Variants in RPS6KA5 observed in about 807,000 individuals in gnomAD.
RPS6KA5 encodes the protein ribosomal protein S6 kinase alpha-5.
In RPS6KA5, 27 loss-of-function variants were observed where a neutral mutation model predicts 85.5. That is an observed-to-expected ratio of 0.32 (90% CI 0.23 to 0.44). The LOEUF (loss-of-function observed/expected upper bound fraction) is 0.44, where lower values mean the gene tolerates loss of function less well. RPS6KA5 is among the 20% of genes least tolerant of loss of function. RPS6KA5 has a pLI of 1.00. For missense variants in RPS6KA5, 811 were observed against 980.9 expected (o/e 0.83, Z 2.31); for synonymous variants, 334 against 348.2 (o/e 0.96, Z 0.46).
At chr14:90,924,442 G>A (rs908790586) in intron 5 of RPS6KA5, among the ~76,000 whole-genome samples, 24 of 152,140 alleles carry the variant, frequency 1.6e-4, no homozygotes, top group African/African-American at 5.6e-4. Flanking sequence ...ACAGGGGAAG[G>A]ATGCACCATA....
At chr14:90,882,871 C>T (rs921646464) in intron 14 of RPS6KA5, among the ~76,000 whole-genome samples, 5 of 151,800 alleles carry the variant, frequency 3.3e-5, no homozygotes, top group African/African-American at 1.2e-4. Flanking sequence ...GATCTCAGCT[C>T]ACTGCAACCT....
At chr14:90,992,820 C>A (rs59769767) in intron 2 of RPS6KA5, among the ~76,000 whole-genome samples, 8,289 of 151,946 alleles carry the variant, frequency 0.055, 579 homozygotes, top group African/African-American at 0.16. Context: ...GTTTCTCACA[C>A]CTTTTTTCAA....
chr14:90,974,913 T>A (rs2039496506), intron 3 of RPS6KA5, among the ~76,000 whole-genome samples: 1 of 152,232 alleles, frequency 6.6e-6, no homozygotes, highest in Non-Finnish European at 1.5e-5. Flanking sequence ...AACTGGGTTT[T>A]AAATGAAAAT....
chr14:91,014,523 CA>C (rs1191793313), intron 1 of RPS6KA5, among the ~76,000 whole-genome samples: 1 of 146,184 alleles, frequency 6.8e-6, no homozygotes, highest in African/African-American at 2.5e-5. Flanking sequence ...AAACAAAAAA[CA>C]AAAAAAATGA....
At chr14:90,988,243 T>A (rs762072951) in intron 2 of RPS6KA5, among the ~76,000 whole-genome samples, 1 of 152,236 alleles carries the variant, frequency 6.6e-6, no homozygotes, top group Non-Finnish European at 1.5e-5. Flanking sequence ...TTACAAAAAA[T>A]ACTCATTAAG....
In RPS6KA5 at chr14:91,051,243, AAAATAAATAAATAAATAAAT is replaced by A. The variant is rs59888963; in HGVS notation, c.103+9069_103+9088del. 1.3e-4 allele frequency among the ~76,000 whole-genome samples: 19 copies of A among 144,406 alleles called. No homozygotes were observed. The South Asian group carries it at 1.8e-3, about 14-fold the overall frequency. The allele number at this position is 144,406 out of a possible 152,430, so 94.7% of individuals were successfully genotyped here. A position where few individuals can be genotyped will look rare whatever the true frequency, so the allele number is the denominator to read the frequency against. Reference sequence around the variant, plus strand: ...GACAGAGTGGGACCCTGTCTAAATAAAAATAAATAAATAAATAAATAAATAAATAAATAAATAAATAAAGT... The same window carrying A: ...GACAGAGTGGGACCCTGTCTAAATAAAAATAAATAAATAAATAAATAAAGT... On this transcript the variant is annotated intron_variant, in intron 1 of 16. Transcript: ENST00000614987.
chr14:90,894,604 C>T lies in RPS6KA5; in HGVS notation c.1474-21G>A, dbSNP rs183077781. On this transcript the variant is annotated intron_variant, in intron 12 of 16. Transcript: ENST00000614987. ...TGAAGCTAGAAAAGAGAAAGAATAA[C>T]GTGGAGGGCCTTCCTGAAGCACAGA... 1.7e-5 allele frequency: 28 copies of T among 1,608,742 alleles called. No homozygotes were observed. The South Asian group carries it at 2.1e-4, about 12-fold the overall frequency.
chr14:90,852,327 C>CGA lies in RPS6KA5; in HGVS notation c.*19746_*19747insTC, dbSNP rs2032042716. 1 of 152,036 alleles carries CGA rather than the reference C, an allele frequency of 6.6e-6. No homozygotes were observed. Among genetic ancestry groups the CGA allele is most frequent in the African/African-American group, 2.4e-5 (1 of 41,406 alleles). The allele number at this position is 152,036 out of a possible 1,614,324, so 9.4% of individuals were successfully genotyped here. ...GCCAGGATGGTCTCGACCTCGTGAT[C>CGA]TGCCCGCCTCGGCCTCCCAACACTT... On this transcript the variant is annotated 3_prime_UTR_variant, in exon 17 of 17. Transcript: ENST00000614987.
At chr14:90,922,198 T>C (rs1364779606) in intron 6 of RPS6KA5, among the ~76,000 whole-genome samples, 1 of 152,154 alleles carries the variant, frequency 6.6e-6, no homozygotes, top group African/African-American at 2.4e-5. Context: ...AATAAGAAAA[T>C]ATCAGTGATT....
At chr14:90,875,083 C>A (rs2033365739) in intron 15 of RPS6KA5, 118 bp downstream of exon 15, 2 of 1,002,146 alleles carry the variant, frequency 2.0e-6, no homozygotes, top group Admixed American at 4.6e-5. Context: ...GCCTGGAAGC[C>A]TTTTAGAATA....
chr14:91,060,171 G>A (rs2043586711), intron 1 of RPS6KA5, 161 bp downstream of exon 1: 1 of 975,304 alleles, frequency 1.0e-6, no homozygotes, highest in African/African-American at 1.8e-5. Context: ...CCCACCTCCC[G>A]GGACCCCCGG....
intron 5 of RPS6KA5, among the ~76,000 whole-genome samples, chr14:90,929,782 G>A (rs941848): frequency 0.35 from 53,950 of 152,032 alleles, 11,577 homozygotes; most frequent in Non-Finnish European, 0.46. Flanking sequence ...GACGAAGGTC[G>A]GGGGAAAGGA....
At chr14:91,011,595 A>G (rs1301798652) in intron 1 of RPS6KA5, among the ~76,000 whole-genome samples, 2 of 152,330 alleles carry the variant, frequency 1.3e-5, no homozygotes, top group East Asian at 1.9e-4. Flanking sequence ...GTTCCCTATC[A>G]TGGAAATTGC....
chr14:90,939,639 T>C (rs937576966), intron 5 of RPS6KA5, among the ~76,000 whole-genome samples: 2 of 152,162 alleles, frequency 1.3e-5, no homozygotes, highest in African/African-American at 4.8e-5. Flanking sequence ...AGAGAACTTG[T>C]TGCAGGGAAA....
At chr14:90,925,942 AAAAAAAAAAAAAAAAAAAAAG>A (rs2036639912) in intron 5 of RPS6KA5, among the ~76,000 whole-genome samples, 2 of 10,346 alleles carry the variant, frequency 1.9e-4, no homozygotes, top group Non-Finnish European at 3.9e-4. Context: ...ACCCTGACTC[AAAAAAAAAAAAAAAAAAAAAG>A]AAAAGAAAAG....
intron 1 of RPS6KA5, among the ~76,000 whole-genome samples, chr14:91,027,643 C>T (rs2042032871): frequency 6.6e-6 from 1 of 152,208 alleles, no homozygotes. Context: ...TAGTTCACTT[C>T]TCCCTCATTC....
intron 1 of RPS6KA5, among the ~76,000 whole-genome samples, chr14:91,039,383 A>T (rs1357367447): frequency 1.3e-5 from 2 of 152,222 alleles, no homozygotes; most frequent in African/African-American, 4.8e-5. Context: ...AGGAATTGAG[A>T]GTGAAATCGA....
intron 1 of RPS6KA5, among the ~76,000 whole-genome samples, chr14:91,040,274 G>A (rs1226891358): frequency 2.0e-5 from 3 of 152,160 alleles, no homozygotes; most frequent in Middle Eastern, 3.2e-3. Context: ...TGGGTGTGGT[G>A]GCGCATGCCT....
chr14:90,930,975 T>C (rs964605951), intron 5 of RPS6KA5, among the ~76,000 whole-genome samples: 1 of 152,174 alleles, frequency 6.6e-6, no homozygotes, highest in African/African-American at 2.4e-5. Flanking sequence ...TGGAAAATAG[T>C]ATAAATGTTC....
Sources: gnomAD v4.1 joint callset for allele counts (sites outside exome capture counted in the v4.1 genomes callset) on GRCh38, gnomAD v4.1.1 for gene constraint, MANE v1.5 for transcripts, NCBI Gene and HGNC (gene_info 2026-07-23, HGNC 2026-07-21) for gene names.